The following ZNF335 variants were observed in gnomAD, a reference collection of about 807,000 sequenced individuals.
The protein encoded by ZNF335 is zinc finger protein 335.
In ZNF335, 84 loss-of-function variants were observed where a neutral mutation model predicts 145.6. The observed-to-expected ratio is 0.58, with a 90% CI of 0.48 to 0.69. The LOEUF is 0.69. Ranked by LOEUF, ZNF335 falls within the 30% of genes least tolerant of loss-of-function variation. The probability of loss-of-function intolerance (pLI) is 0.00; values close to 1 mark genes in which losing one functional copy is unlikely to be tolerated. For synonymous variants in ZNF335, 761 were observed against 717.0 expected, an observed-to-expected ratio of 1.06 and a Z score of -0.98; for missense variants, 1,865 against 1,809.7, an observed-to-expected ratio of 1.03 and a Z score of -0.55.
intron 1 of ZNF335, chr20:45,971,773 GC>G (rs1568833836): frequency 1.0e-6 from 1 of 985,256 alleles, no homozygotes; most frequent in African/African-American, 1.7e-5. Context: ...CAGCCCTTCG[GC>G]CCCCGCGTCC....
At position 45,963,650 on chromosome 20, in the gene ZNF335, C is replaced by T. The variant is rs2083892369; in HGVS notation, c.1356G>A (p.Lys452=). The T allele has an allele frequency of 9.3e-6, 15 of 1,614,092 alleles. No homozygotes were observed. The highest frequency in any genetic ancestry group is 1.2e-5 in the Non-Finnish European group (14 of 1,179,958). Residue 452 remains lysine (K), a splice_region_variant and synonymous_variant, in exon 9 of 28, where the codon AAG becomes AAA. Coordinates refer to ENST00000322927, the MANE Select transcript of ZNF335 (RefSeq NM_022095.4). Reference sequence around the variant, plus strand: ...GTGGTTTGGGCGACTTGTAATAGTACCTGCAGGATGAGAGTGTGGCGGAAA... The same window carrying T: ...GTGGTTTGGGCGACTTGTAATAGTATCTGCAGGATGAGAGTGTGGCGGAAA... ...SRRFLGKKYR[K]YYYKSPKPLL...
chr20:45,970,188 A>G (rs1436036040), intron 2 of ZNF335: 3 of 153,360 alleles, frequency 2.0e-5, no homozygotes, highest in African/African-American at 7.2e-5. Flanking sequence ...AACAGCCTCC[A>G]TGCCAGACTG....
chr20:45,950,276 T>C lies in ZNF335; in HGVS notation c.3430A>G (p.Thr1144Ala), dbSNP rs1568804249. 9 of 1,554,760 alleles carry C rather than the reference T, an allele frequency of 5.8e-6. No homozygotes were observed. In the South Asian group the frequency reaches 1.1e-4, roughly 19 times the overall value. ...GTPTARAPTQ[T>A]PTQTIILNSD... is the part of the protein sequence containing the mutation. Reference sequence around the variant, plus strand: ...TTCAGGATGATGGTCTGGGTTGGGGTCTGGGTAGGGGCCCGGGCTGTAGGG... The same window carrying C: ...TTCAGGATGATGGTCTGGGTTGGGGCCTGGGTAGGGGCCCGGGCTGTAGGG... Residue 1144 changes from threonine to alanine, a missense_variant, in exon 22 of 28, where the codon ACC becomes GCC. Physicochemically the swap from Thr to Ala is moderately conservative, Grantham distance 58. Transcript: ENST00000322927.
Position 45,957,887 on chromosome 20 carries a change from G to A in ZNF335, c.2295C>T (p.Pro765=), listed in dbSNP as rs760104265. Residue 765 remains proline (P), a synonymous_variant, in exon 16 of 28, where the codon CCC becomes CCT. Transcript: ENST00000322927. ...EATTFQSSEA[P]SLLCSDTLGG... is the part of the protein sequence containing the mutation. ...CCAGGGTGTCAGAACAGAGCAATGA[G>A]GGAGCCTCAGATGACTGGAAAGTTG... 2.5e-6 allele frequency: 4 copies of A among 1,614,050 alleles called. No homozygotes were observed. In the South Asian group the frequency reaches 4.4e-5, roughly 18 times the overall value.
intron 22 of ZNF335, 47 bp downstream of exon 22, chr20:45,950,172 T>G (rs764744059): frequency 4.9e-5 from 77 of 1,577,130 alleles, no homozygotes; most frequent in Non-Finnish European, 6.6e-5. Context: ...GGCCCAAGTC[T>G]CTGGATCTAC....
At position 45,967,504 on chromosome 20, in the gene ZNF335, A is replaced by C; in HGVS notation, c.945T>G (p.Asp315Glu). 6.2e-7 allele frequency: 1 copy of C among 1,614,044 alleles called. No individual in the cohort carries two copies. Among genetic ancestry groups the C allele is most frequent in the Non-Finnish European group, 8.5e-7 (1 of 1,180,012 alleles). The stretch of plus-strand genomic sequence containing the variant: ...ACCATGGTGGCCTACCCTCCAGGTC[A>C]TCAATGGCTCCAGCGTCTACAATGT... Reference protein sequence around the residue: ...DDDIVDAGAIDDLEEDSDYNP... With the variant: ...DDDIVDAGAIEDLEEDSDYNP... The change falls in exon 6 of 28, where the codon GAT (aspartate) becomes GAG (glutamate). Residue 315 changes from aspartate to glutamate, a missense_variant. Asp to Glu is a conservative substitution (Grantham distance 45). Coordinates refer to ENST00000322927, the MANE Select transcript of ZNF335 (RefSeq NM_022095.4).
At chr20:45,971,556 G>A in intron 1 of ZNF335, 96 bp from the exon 2 acceptor site, 1 of 1,461,046 alleles carries the variant, frequency 6.8e-7, no homozygotes, top group Non-Finnish European at 9.0e-7. Flanking sequence ...CCATTTTGCA[G>A]ATGCGAAGAT....
At chr20:45,962,602 G>A (rs530926158) in intron 9 of ZNF335, among the ~76,000 whole-genome samples, 52 of 152,244 alleles carry the variant, frequency 3.4e-4, no homozygotes, top group South Asian at 2.1e-3. Flanking sequence ...CACCGTGCCC[G>A]GAAGTACCCT....
intron 15 of ZNF335, among the ~76,000 whole-genome samples, chr20:45,958,851 C>G (rs527957685): frequency 6.6e-6 from 1 of 152,148 alleles, no homozygotes; most frequent in South Asian, 2.1e-4. Flanking sequence ...GAGGCAACTA[C>G]AAAGATGAAA....
chr20:45,950,700 T>C (rs1332730141), intron 20 of ZNF335, 105 bp from the exon 21 acceptor site: 38 of 1,509,998 alleles, frequency 2.5e-5, no homozygotes, highest in Non-Finnish European at 9.0e-7. Flanking sequence ...AAAGTGGACC[T>C]GGGAAAACCA....
rs2083826786 is a variant in ZNF335 at position 45,960,727 on chromosome 20, T to C, written c.1671A>G (p.Pro557=). The C allele has an allele frequency of 1.9e-6, 3 of 1,613,768 alleles. No homozygotes were observed. Among genetic ancestry groups the C allele is most frequent in the Admixed American group, 1.7e-5 (1 of 59,988 alleles). The part of the protein sequence containing the change: ...RDRKKRPDPT[P]KLSSFPCPVC... Reference sequence around the variant, plus strand: ...CAGGGCAGGGGAAAGAGCTCAGCTTTGGAGTCTAGGAAGGCATAAGAAGGG... The same window carrying C: ...CAGGGCAGGGGAAAGAGCTCAGCTTCGGAGTCTAGGAAGGCATAAGAAGGG... The change falls in exon 12 of 28, where the codon CCA becomes CCG. Residue 557 remains proline, a synonymous_variant. Transcript: ENST00000322927.
Position 45,957,885 on chromosome 20 carries a change from G to A in ZNF335, c.2297C>T (p.Ser766Leu). Residue 766 changes from serine (S) to leucine (L), a missense_variant, in exon 16 of 28, where the codon TCA becomes TTA. By Grantham distance (145) the Ser-to-Leu change is moderately radical. Transcript: ENST00000322927. ...GCCCAGGGTGTCAGAACAGAGCAAT[G>A]AGGGAGCCTCAGATGACTGGAAAGT... is the stretch of plus-strand genomic sequence containing the variant. ...ATTFQSSEAP[S>L]LLCSDTLGGA... 6.2e-7 allele frequency: 1 copy of A among 1,614,068 alleles called. No homozygotes were observed.
At chr20:45,949,708 G>A (rs941505330) in intron 24 of ZNF335, 92 bp downstream of exon 24, 179 of 1,514,544 alleles carry the variant, frequency 1.2e-4, no homozygotes, top group Non-Finnish European at 7.6e-5. Context: ...CCCCAGGAGG[G>A]GTGGTTTGGA....
chr20:45,952,586 C>G lies in ZNF335; in HGVS notation c.2814+12G>C. On this transcript the variant is annotated intron_variant, in intron 19 of 27. Transcript: ENST00000322927. ...GGGAGGTGGGGGAGTGGTTGGCATC[C>G]CCAAGCCTCACCTCAATGTGGTGCA... 1 of 1,613,640 alleles carries G rather than the reference C, an allele frequency of 6.2e-7. No individual in the cohort carries two copies. Among genetic ancestry groups the G allele is most frequent in the Non-Finnish European group, 8.5e-7 (1 of 1,179,796 alleles).
chr20:45,951,082 G>A (rs2083622807), intron 20 of ZNF335, among the ~76,000 whole-genome samples: 1 of 152,226 alleles, frequency 6.6e-6, no homozygotes, highest in Non-Finnish European at 1.5e-5. Flanking sequence ...AGTAGAGATG[G>A]GTTTTCTCCA....
At chr20:45,970,469 A>G (rs1419200182) in intron 2 of ZNF335, among the ~76,000 whole-genome samples, 2 of 152,240 alleles carry the variant, frequency 1.3e-5, no homozygotes. Context: ...AATTCATTTC[A>G]TCCTCACAAA....
chr20:45,964,294 T>C, intron 7 of ZNF335: 1 of 317,458 alleles, frequency 3.2e-6, no homozygotes. Context: ...GCTGTGCACC[T>C]ACAGACAAAG....
At chr20:45,960,103 G>T in intron 14 of ZNF335, 105 bp downstream of exon 14, 2 of 1,338,634 alleles carry the variant, frequency 1.5e-6, no homozygotes, top group Non-Finnish European at 2.0e-6. Flanking sequence ...CTGTTCTGTG[G>T]CTGGGGCTAC....
chr20:45,959,395 T>C lies in ZNF335; in HGVS notation c.2059A>G (p.Thr687Ala). The change falls in exon 15 of 28, where the codon ACA becomes GCA. Residue 687 changes from threonine (T) to alanine (A), a missense_variant. Physicochemically the swap from Thr to Ala is moderately conservative, Grantham distance 58. Transcript: ENST00000322927. ...AGGCGCAGGTTCTTCTTGTGCCGTG[T>C]GCTGAAGTGGCAGTACTCACAGGCG... ...PFACEYCHFS[T>A]RHKKNLRLHV... 2 of 1,528,612 alleles carry C rather than the reference T, an allele frequency of 1.3e-6. No individual in the cohort carries two copies. The highest frequency in any genetic ancestry group is 1.8e-6 in the Non-Finnish European group (2 of 1,128,362). The allele number at this position is 1,528,612 out of a possible 1,614,324, so 94.7% of individuals were successfully genotyped here. A position where few individuals can be genotyped will look rare whatever the true frequency, so the allele number is the denominator to read the frequency against.
Sources: gnomAD v4.1 joint callset for allele counts (sites outside exome capture counted in the v4.1 genomes callset) on GRCh38, gnomAD v4.1.1 for gene constraint, MANE v1.5 for transcripts, NCBI Gene and HGNC (gene_info 2026-07-23, HGNC 2026-07-21) for gene names.